IARS2: variants seen among roughly 807,000 people sequenced by gnomAD.
The protein encoded by IARS2 is isoleucyl-tRNA synthetase 2, mitochondrial, also known as isoleucine--tRNA ligase, mitochondrial.
Under a neutral mutation model 126.3 loss-of-function variants are expected in IARS2, and 56 were observed. The observed-to-expected ratio is 0.44, with a 90% CI of 0.36 to 0.55. The LOEUF is 0.55. Ranked by LOEUF, IARS2 falls within the 20% of genes least tolerant of loss-of-function variation. The pLI, the probability that IARS2 is intolerant of heterozygous loss-of-function variation, is 0.00. For missense variants in IARS2, 1,127 were observed against 1,245.9 expected, an observed-to-expected ratio of 0.90 and a Z score of 1.44; for synonymous variants, 407 against 441.1, an observed-to-expected ratio of 0.92 and a Z score of 0.97.
At chr1:220,115,300 C>T (rs1558124092) in intron 12 of IARS2, among the ~76,000 whole-genome samples, 2 of 152,154 alleles carry the variant, frequency 1.3e-5, no homozygotes, top group Admixed American at 6.6e-5. Flanking sequence ...CGGTGGCTCA[C>T]GCCTGTAATC....
chr1:220,095,533 C>G (rs1421937184), intron 1 of IARS2, among the ~76,000 whole-genome samples: 1 of 152,116 alleles, frequency 6.6e-6, no homozygotes, highest in African/African-American at 2.4e-5. Flanking sequence ...GTGACAGTTT[C>G]AAATGTTTCC....
chr1:220,144,361 C>T, intron 21 of IARS2: 2 of 660,670 alleles, frequency 3.0e-6, no homozygotes, highest in South Asian at 3.4e-5. Flanking sequence ...TGTGGTGGTG[C>T]AGAAAGACGG....
At chr1:220,139,269 G>A in intron 18 of IARS2, 130 bp downstream of exon 18, 1 of 573,596 alleles carries the variant, frequency 1.7e-6, no homozygotes, top group South Asian at 3.9e-5. Flanking sequence ...AGAGAAATAT[G>A]TCCAGACTTC....
At chr1:220,107,243 A>T in intron 10 of IARS2, 92 bp downstream of exon 10, 1 of 762,440 alleles carries the variant, frequency 1.3e-6, no homozygotes, top group Non-Finnish European at 2.3e-6. Flanking sequence ...ATACTTTAAC[A>T]GAAACAAAAA....
rs1326865185 is a variant in IARS2, at chr1:220,103,367, A to G, written c.951-80A>G. 13 of 921,042 alleles carry G rather than the reference A, an allele frequency of 1.4e-5. No homozygotes were observed. In the Admixed American group the frequency reaches 1.7e-4, roughly 12 times the overall value. 57.1% of individuals were successfully genotyped at this position (921,042 alleles called of 1,614,324 possible). Reference sequence around the variant, plus strand: ...TGGCCTGAAGTCAGTTTTTTCTAAAATGATTATTTAAAAATTAAAATGATA... The same window carrying G: ...TGGCCTGAAGTCAGTTTTTTCTAAAGTGATTATTTAAAAATTAAAATGATA... On this transcript the variant is annotated intron_variant, in intron 7 of 22. Coordinates refer to ENST00000366922, the MANE Select transcript of IARS2 (RefSeq NM_018060.4).
At position 220,106,044 on chromosome 1, in the gene IARS2, A is replaced by C; in HGVS notation, c.1220A>C (p.Gln407Pro). The change falls in exon 9 of 23, where the codon CAG becomes CCG. Residue 407 changes from glutamine (Q) to proline (P), a missense_variant. Gln to Pro is a moderately conservative substitution (Grantham distance 76). Transcript: ENST00000366922. Reference sequence around the variant, plus strand: ...ATGGAAGACTACGGTGTAGCGTCTCAGCACAACCTGCCCATGGTACTGTTC... The same window carrying C: ...ATGGAAGACTACGGTGTAGCGTCTCCGCACAACCTGCCCATGGTACTGTTC... The part of the protein sequence containing the change: ...HGMEDYGVAS[Q>P]HNLPMDCLVD... 1 of 1,613,522 alleles carries C rather than the reference A, an allele frequency of 6.2e-7. No individual in the cohort carries two copies. The highest frequency in any genetic ancestry group is 8.5e-7 in the Non-Finnish European group (1 of 1,179,554).
At chr1:220,134,594 A>G in intron 15 of IARS2, 84 bp downstream of exon 15, 1 of 717,590 alleles carries the variant, frequency 1.4e-6, no homozygotes, top group Middle Eastern at 2.5e-4. Context: ...ATGATAAGGC[A>G]CCACTCTTGA....
intron 14 of IARS2, among the ~76,000 whole-genome samples, chr1:220,129,172 G>A (rs532821881): frequency 4.6e-4 from 70 of 152,202 alleles, no homozygotes; most frequent in South Asian, 3.1e-3. Context: ...GTGAGCCACC[G>A]CACCCGTCCA....
intron 14 of IARS2, among the ~76,000 whole-genome samples, chr1:220,128,055 C>T (rs1410896429): frequency 2.0e-5 from 3 of 152,122 alleles, no homozygotes; most frequent in African/African-American, 7.2e-5. Context: ...ACATCTGACT[C>T]CTGAACAACA....
chr1:220,143,935 T>TAATACATA (rs1657536659), intron 21 of IARS2: 1 of 1,147,932 alleles, frequency 8.7e-7, no homozygotes, highest in African/African-American at 1.5e-5. Context: ...GGCATTTTAT[T>TAATACATA]TGTAAATATA....
At chr1:220,127,472 G>A (rs1456735947) in intron 14 of IARS2, among the ~76,000 whole-genome samples, 1 of 152,246 alleles carries the variant, frequency 6.6e-6, no homozygotes, top group Non-Finnish European at 1.5e-5. Context: ...ATTAGAGGAT[G>A]TGTTTAGATG....
At chr1:220,147,413 A>C (rs1334993535) in intron 22 of IARS2, 80 bp from the exon 23 acceptor site, 2 of 1,361,508 alleles carry the variant, frequency 1.5e-6, no homozygotes, top group East Asian at 2.3e-5. Flanking sequence ...ACTGAAAAAG[A>C]AGCCTCTGCT....
At position 220,106,914 on chromosome 1, in the gene IARS2, G is replaced by A. The variant is rs534817708; in HGVS notation, c.1237-147G>A. ...CCCAAAGTGCTGGGATTATAGGCCTGAGTGCCGCGCCCGGCCAAGTACCTA... is the reference window on the plus strand; with the variant it reads ...CCCAAAGTGCTGGGATTATAGGCCTAAGTGCCGCGCCCGGCCAAGTACCTA... On this transcript the variant is annotated intron_variant, in intron 9 of 22. Coordinates refer to ENST00000366922, the MANE Select transcript of IARS2 (RefSeq NM_018060.4). 38 of 609,928 alleles carry A rather than the reference G, an allele frequency of 6.2e-5. No individual in the cohort carries two copies. The East Asian group carries it at 9.6e-4, about 15-fold the overall frequency. 37.8% of individuals were successfully genotyped at this position (609,928 alleles called of 1,614,324 possible).
intron 14 of IARS2, 128 bp from the exon 15 acceptor site, chr1:220,134,274 G>C (rs913753353): frequency 4.9e-6 from 3 of 608,518 alleles, no homozygotes; most frequent in Non-Finnish European, 8.2e-6. Context: ...GGTGGCATCT[G>C]TCAGTTTTCT....
chr1:220,140,868 C>T (rs1571864524), intron 19 of IARS2, among the ~76,000 whole-genome samples: 1 of 151,082 alleles, frequency 6.6e-6, no homozygotes, highest in Non-Finnish European at 1.5e-5. Context: ...CCTGTAGTTC[C>T]AGCTACTTGG....
At chr1:220,113,282 T>G (rs890720922) in intron 11 of IARS2, among the ~76,000 whole-genome samples, 1 of 152,186 alleles carries the variant, frequency 6.6e-6, no homozygotes, top group Non-Finnish European at 1.5e-5. Context: ...TTAAACCAAG[T>G]ATGGTATTAA....
chr1:220,114,332 A>G lies in IARS2; in HGVS notation c.1498A>G (p.Lys500Glu). 4.3e-6 allele frequency: 7 copies of G among 1,613,900 alleles called. No homozygotes were observed. Among genetic ancestry groups the G allele is most frequent in the Non-Finnish European group, 5.9e-6 (7 of 1,179,796 alleles). ...ATTGCAGGAATTGTTAAAAAAGGTG[A>G]AATTTATTCCTGGATCAGCACTGAA... ...TAAKELLKKV[K>E]FIPGSALNGM... The change falls in exon 12 of 23, where the codon AAA becomes GAA. Residue 500 changes from lysine to glutamate, a missense_variant. Physicochemically the swap from Lys to Glu is moderately conservative, Grantham distance 56. Transcript: ENST00000366922.
At chr1:220,143,862 A>T in intron 21 of IARS2, 3 of 630,118 alleles carry the variant, frequency 4.8e-6, no homozygotes, top group Non-Finnish European at 8.2e-6. Flanking sequence ...TAATGATGTG[A>T]TTTTTCTCCA....
At chr1:220,095,238 C>T (rs960294898) in intron 1 of IARS2, among the ~76,000 whole-genome samples, 1 of 152,122 alleles carries the variant, frequency 6.6e-6, no homozygotes, top group Non-Finnish European at 1.5e-5. Flanking sequence ...GGAGTTTCAC[C>T]ATGTTGGCCA....
Sources: allele counts gnomAD v4.1 joint callset (sites outside exome capture counted in the v4.1 genomes callset), GRCh38; gene constraint gnomAD v4.1.1; transcripts MANE v1.5; gene names NCBI Gene and HGNC (gene_info 2026-07-23, HGNC 2026-07-21).